PDZRN3: variants seen among roughly 807,000 people sequenced by gnomAD.
PDZRN3 encodes the protein E3 ubiquitin-protein ligase PDZRN3.
In PDZRN3, 38 loss-of-function variants were observed where a neutral mutation model predicts 85.7. The observed-to-expected ratio is 0.44, with a 90% CI of 0.34 to 0.58. The LOEUF is 0.58. PDZRN3 is among the 20% of genes least tolerant of loss of function. The probability of loss-of-function intolerance (pLI) is 0.01; values close to 1 mark genes in which losing one functional copy is unlikely to be tolerated. For synonymous variants in PDZRN3, 759 were observed against 638.0 expected, an observed-to-expected ratio of 1.19 and a Z score of -2.86; for missense variants, 1,629 against 1,506.4, an observed-to-expected ratio of 1.08 and a Z score of -1.35.
chr3:73,433,589 G>C, intron 3 of PDZRN3: 2 of 1,233,150 alleles, frequency 1.6e-6, no homozygotes, highest in Non-Finnish European at 2.3e-6. Flanking sequence ...AGTTACACTT[G>C]GCCAGGTGGG....
At chr3:73,571,258 T>C (rs939061234) in intron 3 of PDZRN3, among the ~76,000 whole-genome samples, 1 of 152,184 alleles carries the variant, frequency 6.6e-6, no homozygotes, top group Non-Finnish European at 1.5e-5. Context: ...TTGTATCCCT[T>C]TTTTCTCCAT....
At chr3:73,611,465 G>C (rs1388570972) in intron 1 of PDZRN3, among the ~76,000 whole-genome samples, 2 of 152,170 alleles carry the variant, frequency 1.3e-5, no homozygotes, top group African/African-American at 2.4e-5. Flanking sequence ...CAATGCTGGG[G>C]AGAAACAAGG....
chr3:73,389,706 T>G, intron 7 of PDZRN3, 110 bp downstream of exon 7: 1 of 794,690 alleles, frequency 1.3e-6, no homozygotes, highest in South Asian at 1.4e-5. Flanking sequence ...GCGTTTGTGA[T>G]CCCTGTTCTT....
intron 4 of PDZRN3, among the ~76,000 whole-genome samples, chr3:73,403,276 C>G (rs1701790692): frequency 6.6e-6 from 1 of 152,174 alleles, no homozygotes; most frequent in Admixed American, 6.5e-5. Context: ...CTATGTCGAA[C>G]TGGACACCTT....
intron 3 of PDZRN3, among the ~76,000 whole-genome samples, chr3:73,537,114 G>A (rs1403569338): frequency 1.3e-5 from 2 of 152,030 alleles, no homozygotes; most frequent in Non-Finnish European, 2.9e-5. Context: ...GTTGGCTGGG[G>A]GTCAGGTAAC....
At chr3:73,596,887 TCCTAGTTTAGATTA>T (rs1356208001) in intron 3 of PDZRN3, among the ~76,000 whole-genome samples, 3 of 152,164 alleles carry the variant, frequency 2.0e-5, no homozygotes, top group African/African-American at 7.2e-5. Context: ...AACATGAATT[TCCTAGTTTAGATTA>T]CCATACTGTT....
At chr3:73,582,511 A>T (rs1269168807) in intron 3 of PDZRN3, among the ~76,000 whole-genome samples, 1 of 152,154 alleles carries the variant, frequency 6.6e-6, no homozygotes, top group Non-Finnish European at 1.5e-5. Context: ...TTTTATATAT[A>T]TATATACAGT....
chr3:73,562,347 T>C (rs1701836524), intron 3 of PDZRN3, among the ~76,000 whole-genome samples: 1 of 152,166 alleles, frequency 6.6e-6, no homozygotes. Flanking sequence ...ACATCCAGTA[T>C]AAGATGGGCA....
At chr3:73,420,466 G>T (rs974383989) in intron 3 of PDZRN3, among the ~76,000 whole-genome samples, 8 of 152,294 alleles carry the variant, frequency 5.3e-5, no homozygotes, top group Admixed American at 3.3e-4. Flanking sequence ...CTGAATCTGA[G>T]AATTTTCCCT....
At chr3:73,614,739 G>A (rs887220958) in intron 1 of PDZRN3, among the ~76,000 whole-genome samples, 1 of 152,198 alleles carries the variant, frequency 6.6e-6, no homozygotes, top group South Asian at 2.1e-4. Context: ...GGGACCAAGA[G>A]GTAGAGCTGG....
chr3:73,402,756 A>G (rs1427294185), intron 4 of PDZRN3, among the ~76,000 whole-genome samples: 3 of 152,168 alleles, frequency 2.0e-5, no homozygotes, highest in African/African-American at 7.2e-5. Context: ...CTACTGAGTT[A>G]CTAGTAGGAA....
At chr3:73,423,605 A>C (rs1357646097) in intron 3 of PDZRN3, among the ~76,000 whole-genome samples, 1 of 152,280 alleles carries the variant, frequency 6.6e-6, no homozygotes, top group African/African-American at 2.4e-5. Context: ...TTCTAACTGT[A>C]GTCTTACAGA....
At chr3:73,437,497 G>A (rs73838533) in intron 3 of PDZRN3, among the ~76,000 whole-genome samples, 5,723 of 152,212 alleles carry the variant, frequency 0.038, 365 homozygotes, top group African/African-American at 0.13. Flanking sequence ...AGGGGTGCCC[G>A]GGCCTCACTT....
intron 3 of PDZRN3, among the ~76,000 whole-genome samples, chr3:73,567,795 T>A (rs1418079660): frequency 1.3e-5 from 2 of 152,204 alleles, no homozygotes; most frequent in East Asian, 3.8e-4. Flanking sequence ...CCAAACATGT[T>A]AACAAAGGGT....
intron 3 of PDZRN3, among the ~76,000 whole-genome samples, chr3:73,516,445 A>C (rs1049963784): frequency 1.3e-5 from 2 of 152,178 alleles, no homozygotes; most frequent in African/African-American, 4.8e-5. Flanking sequence ...ATTATGAATG[A>C]AGTTGAGTAC....
intron 3 of PDZRN3, among the ~76,000 whole-genome samples, chr3:73,495,967 TC>T (rs1326233107): frequency 1.3e-5 from 2 of 149,774 alleles, no homozygotes; most frequent in African/African-American, 2.4e-5. Context: ...CCTATCCCCA[TC>T]CCCCCTGCCA....
Position 73,391,117 on chromosome 3 carries a change from C to T in PDZRN3, c.1255-1G>A. 1 of 1,605,828 alleles carries T rather than the reference C, an allele frequency of 6.2e-7. No individual in the cohort carries two copies. Among genetic ancestry groups the T allele is most frequent in the Non-Finnish European group, 8.5e-7 (1 of 1,172,752 alleles). The stretch of plus-strand genomic sequence containing the variant: ...TGTTCATTCTGTAGAGGTCCACTTC[C>T]TAGACAAAGAAAGGCATTCCCAGTG... On this transcript the variant is annotated splice_acceptor_variant, in intron 5 of 9. Transcript: ENST00000263666. LOFTEE classifies it high-confidence loss of function.
chr3:73,523,720 C>T (rs991495794), intron 3 of PDZRN3, among the ~76,000 whole-genome samples: 12 of 152,160 alleles, frequency 7.9e-5, no homozygotes, highest in Non-Finnish European at 1.0e-4. Context: ...GATGGAATGG[C>T]TTCATAAGAC....
At chr3:73,565,323 T>C (rs1425040444) in intron 3 of PDZRN3, among the ~76,000 whole-genome samples, 1 of 151,128 alleles carries the variant, frequency 6.6e-6, no homozygotes, top group Non-Finnish European at 1.5e-5. Context: ...AGAGACGGGG[T>C]TTCACTATTT....
Sources: allele counts gnomAD v4.1 joint callset (sites outside exome capture counted in the v4.1 genomes callset), GRCh38; gene constraint gnomAD v4.1.1; transcripts MANE v1.5; gene names NCBI Gene and HGNC (gene_info 2026-07-23, HGNC 2026-07-21).